Variants in SGCZ observed in about 807,000 individuals in gnomAD.
The protein encoded by SGCZ is zeta-sarcoglycan.
Under a neutral mutation model 41.3 loss-of-function variants are expected in SGCZ, and 40 were observed. The observed-to-expected ratio is 0.97, with a 90% confidence interval of 0.75 to 1.26. The LOEUF is 1.26. Among genes scored for constraint, SGCZ ranks in the 50% most tolerant of loss-of-function variants. SGCZ has a pLI of 0.00. For synonymous variants in SGCZ, 206 were observed against 137.5 expected (o/e 1.50, Z -3.49); for missense variants, 552 against 369.8 (o/e 1.49, Z -4.04).
intron 1 of SGCZ, among the ~76,000 whole-genome samples, chr8:15,081,554 A>C (rs1473965346): frequency 6.7e-6 from 1 of 148,536 alleles, no homozygotes. Flanking sequence ...GTGAAAAAGA[A>C]GGTTTGAAAG....
At chr8:14,120,997 G>A (rs1802679945) in intron 5 of SGCZ, among the ~76,000 whole-genome samples, 2 of 152,184 alleles carry the variant, frequency 1.3e-5, no homozygotes, top group South Asian at 2.1e-4. Context: ...AAAAATTTAA[G>A]TAGGCAGATT....
At chr8:14,786,041 A>AAGGG (rs199780152) in intron 1 of SGCZ, among the ~76,000 whole-genome samples, 11,190 of 151,796 alleles carry the variant, frequency 0.074, 922 homozygotes, top group African/African-American at 0.2. Flanking sequence ...TTTATTTTTA[A>AAGGG]GACTTTATTG....
chr8:14,830,224 T>C (rs1034625269), intron 1 of SGCZ, among the ~76,000 whole-genome samples: 2 of 152,132 alleles, frequency 1.3e-5, no homozygotes, highest in Non-Finnish European at 2.9e-5. Context: ...TACTTAGAAG[T>C]ATATTAGGAT....
At chr8:14,820,449 C>T (rs1802041558) in intron 1 of SGCZ, among the ~76,000 whole-genome samples, 1 of 151,982 alleles carries the variant, frequency 6.6e-6, no homozygotes, top group Middle Eastern at 3.4e-3. Flanking sequence ...GGAAAAAAGT[C>T]TACAAAGAAA....
At chr8:14,804,012 G>A (rs1801438565) in intron 1 of SGCZ, among the ~76,000 whole-genome samples, 2 of 125,490 alleles carry the variant, frequency 1.6e-5, no homozygotes, top group Admixed American at 8.5e-5. Flanking sequence ...ACCTGCACCT[G>A]AGGGTGCTGT....
chr8:15,106,489 G>A (rs1258040849), intron 1 of SGCZ, among the ~76,000 whole-genome samples: 1 of 151,856 alleles, frequency 6.6e-6, no homozygotes, highest in Non-Finnish European at 1.5e-5. Flanking sequence ...AAACATTTAT[G>A]CCTAGACAGT....
At chr8:14,302,307 G>A (rs780170468) in intron 3 of SGCZ, among the ~76,000 whole-genome samples, 5 of 152,082 alleles carry the variant, frequency 3.3e-5, no homozygotes, top group South Asian at 2.1e-4. Flanking sequence ...GATTGAACAC[G>A]TAATCTTGAC....
intron 1 of SGCZ, among the ~76,000 whole-genome samples, chr8:14,588,772 A>C (rs1230227271): frequency 6.6e-6 from 1 of 152,164 alleles, no homozygotes; most frequent in East Asian, 1.9e-4. Flanking sequence ...GATTGATAAC[A>C]AAGAATTTTT....
At chr8:14,634,980 C>A (rs1212572701) in intron 1 of SGCZ, among the ~76,000 whole-genome samples, 1 of 151,456 alleles carries the variant, frequency 6.6e-6, no homozygotes, top group South Asian at 2.1e-4. Context: ...TTAAATGATT[C>A]TTTGGAGGGG....
chr8:14,307,910 T>A (rs1801398108), intron 3 of SGCZ, among the ~76,000 whole-genome samples: 2 of 152,146 alleles, frequency 1.3e-5, no homozygotes, highest in Admixed American at 6.6e-5. Context: ...TACCAAAGTT[T>A]AACTCTCCAA....
chr8:14,208,440 T>TAA (rs1805688710), intron 4 of SGCZ, among the ~76,000 whole-genome samples: 1 of 152,030 alleles, frequency 6.6e-6, no homozygotes. Context: ...CTAGAGCAAG[T>TAA]ATGGAGGAAC....
chr8:15,086,832 A>AT (rs1435743371), intron 1 of SGCZ, among the ~76,000 whole-genome samples: 1 of 152,042 alleles, frequency 6.6e-6, no homozygotes, highest in East Asian at 1.9e-4. Context: ...ATCTTGATCC[A>AT]TTTTTCCAGC....
intron 1 of SGCZ, among the ~76,000 whole-genome samples, chr8:14,790,526 A>G (rs1800916733): frequency 6.6e-6 from 1 of 152,182 alleles, no homozygotes; most frequent in Non-Finnish European, 1.5e-5. Context: ...AACATTTGTT[A>G]ACAAAGAGAG....
intron 1 of SGCZ, among the ~76,000 whole-genome samples, chr8:14,634,808 T>C (rs1350669948): frequency 2.0e-5 from 3 of 151,922 alleles, no homozygotes; most frequent in Non-Finnish European, 4.4e-5. Context: ...ACTTTCCAGA[T>C]AATTCAGAAA....
intron 2 of SGCZ, among the ~76,000 whole-genome samples, chr8:14,344,414 G>T (rs1585387970): frequency 6.6e-6 from 1 of 151,686 alleles, no homozygotes; most frequent in African/African-American, 2.4e-5. Flanking sequence ...CTTCAAATCA[G>T]TAACTGAAAA....
At chr8:14,236,244 T>A (rs1487768774) in intron 4 of SGCZ, among the ~76,000 whole-genome samples, 2 of 152,200 alleles carry the variant, frequency 1.3e-5, no homozygotes, top group Non-Finnish European at 2.9e-5. Context: ...TTTTATTTAA[T>A]CTTGAATCCA....
In SGCZ at chr8:14,379,096, C is replaced by T. The variant is rs999099796; in HGVS notation, c.235-54892G>A. Among the ~76,000 whole-genome samples the T allele has an allele frequency of 2.0e-5, 3 of 152,022 alleles. No homozygotes were observed. In the East Asian group the frequency reaches 5.8e-4, roughly 29 times the overall value. ...AATAGTATGCACACTATTTTTACTACCACTGATAATTCTTCCTGAGGTATC... is the reference window on the plus strand; with the variant it reads ...AATAGTATGCACACTATTTTTACTATCACTGATAATTCTTCCTGAGGTATC... On this transcript the variant is annotated intron_variant, in intron 2 of 7. Coordinates refer to ENST00000382080, the MANE Select transcript of SGCZ (RefSeq NM_139167.4).
chr8:14,596,751 C>T (rs960532011), intron 1 of SGCZ, among the ~76,000 whole-genome samples: 4 of 152,030 alleles, frequency 2.6e-5, no homozygotes, highest in Non-Finnish European at 5.9e-5. Flanking sequence ...GATGCGTTGA[C>T]AGGTGCAGCA....
At chr8:14,287,481 T>C (rs1800681819) in intron 3 of SGCZ, among the ~76,000 whole-genome samples, 1 of 152,028 alleles carries the variant, frequency 6.6e-6, no homozygotes, top group Non-Finnish European at 1.5e-5. Flanking sequence ...TTTATTGCCC[T>C]GTAAGATATT....
Sources: allele counts gnomAD v4.1 joint callset (sites outside exome capture counted in the v4.1 genomes callset), GRCh38; gene constraint gnomAD v4.1.1; transcripts MANE v1.5; gene names NCBI Gene and HGNC (gene_info 2026-07-23, HGNC 2026-07-21).